Variants in TYW1B observed in about 807,000 individuals in gnomAD.
TYW1B encodes the protein S-adenosyl-L-methionine-dependent tRNA 4-demethylwyosine synthase TYW1B.
TYW1B carries 73 observed loss-of-function variants against 86.9 expected under a neutral mutation model. That is an observed-to-expected ratio of 0.84 (90% CI 0.70 to 1.02). The LOEUF is 1.02. TYW1B is among the 50% of genes least tolerant of loss of function. TYW1B has a pLI of 0.00. For missense variants in TYW1B, 637 were observed against 827.4 expected (o/e 0.77, Z 2.82); for synonymous variants, 248 against 292.8 (o/e 0.85, Z 1.56).
chr7:72,606,267 A>G (rs1811795011), intron 13 of TYW1B, among the ~76,000 whole-genome samples: 1 of 152,176 alleles, frequency 6.6e-6, no homozygotes, highest in Non-Finnish European at 1.5e-5. Context: ...CTAGGAAGAC[A>G]GAAAACTTTT....
chr7:72,710,580 C>G (rs1421831835), intron 10 of TYW1B, among the ~76,000 whole-genome samples: 4 of 152,172 alleles, frequency 2.6e-5, no homozygotes. Context: ...AATCCCAGCA[C>G]TTTGGGAGGC....
intron 3 of TYW1B, among the ~76,000 whole-genome samples, chr7:72,815,148 G>T (rs2129572811): frequency 6.6e-6 from 1 of 151,028 alleles, no homozygotes; most frequent in South Asian, 2.1e-4. Flanking sequence ...CTCTAGTCCT[G>T]CCCCAGGAGA....
chr7:72,826,791 G>A, intron 2 of TYW1B, 64 bp downstream of exon 2: 1 of 1,548,720 alleles, frequency 6.5e-7, no homozygotes. Context: ...GTTCCTTTTA[G>A]TGTTTAAATC....
intron 8 of TYW1B, among the ~76,000 whole-genome samples, chr7:72,738,076 ATTTC>A (rs1459183325): frequency 6.4e-5 from 6 of 94,412 alleles, no homozygotes; most frequent in Admixed American, 1.3e-4. Context: ...GCCTGGCCAT[ATTTC>A]TTTCTTTCTT....
intron 10 of TYW1B, among the ~76,000 whole-genome samples, chr7:72,702,145 T>G (rs1454889336): frequency 1.3e-5 from 2 of 152,188 alleles, no homozygotes; most frequent in Non-Finnish European, 2.9e-5. Flanking sequence ...GGCAGCTTTG[T>G]GAAGCTAAAC....
At chr7:72,632,328 TATATACACG>T (rs1812523320) in intron 11 of TYW1B, among the ~76,000 whole-genome samples, 2 of 120,940 alleles carry the variant, frequency 1.7e-5, no homozygotes, top group Admixed American at 1.0e-4. Context: ...ATATTATATA[TATATACACG>T]TATATATATT....
intron 7 of TYW1B, among the ~76,000 whole-genome samples, chr7:72,757,682 GACAA>G (rs1787616207): frequency 6.6e-6 from 1 of 152,142 alleles, no homozygotes; most frequent in South Asian, 2.1e-4. Context: ...AGAAAGCCCT[GACAA>G]ACAGAGCTGG....
intron 4 of TYW1B, among the ~76,000 whole-genome samples, chr7:72,807,777 C>T (rs1554477114): frequency 2.0e-5 from 3 of 152,098 alleles, no homozygotes; most frequent in African/African-American, 4.8e-5. Context: ...TGGCAAGATT[C>T]GTAATTTCCT....
At chr7:72,596,918 T>TCAACAA (rs572501145) in intron 13 of TYW1B, among the ~76,000 whole-genome samples, 3 of 144,592 alleles carry the variant, frequency 2.1e-5, no homozygotes, top group African/African-American at 5.2e-5. Context: ...TGCCTAAAAC[T>TCAACAA]CAACAACAAC....
intron 6 of TYW1B, among the ~76,000 whole-genome samples, chr7:72,797,800 G>A (rs1428287585): frequency 2.0e-5 from 3 of 152,242 alleles, no homozygotes; most frequent in Non-Finnish European, 2.9e-5. Context: ...CGGCAGAAAA[G>A]TAGGTAGCCG....
chr7:72,664,816 G>A (rs1554445001), intron 11 of TYW1B, among the ~76,000 whole-genome samples: 1 of 152,044 alleles, frequency 6.6e-6, no homozygotes, highest in Non-Finnish European at 1.5e-5. Context: ...ATCTATGGGG[G>A]ATTGGTTCCA....
chr7:72,616,494 T>C (rs1812074611), intron 13 of TYW1B, among the ~76,000 whole-genome samples, 178 bp downstream of exon 13: 2 of 152,186 alleles, frequency 1.3e-5, no homozygotes, highest in South Asian at 4.1e-4. Context: ...CAATTTCACA[T>C]GGAAAAGAGT....
At chr7:72,606,917 A>G (rs1585843285) in intron 13 of TYW1B, among the ~76,000 whole-genome samples, 2 of 152,180 alleles carry the variant, frequency 1.3e-5, no homozygotes, top group South Asian at 2.1e-4. Flanking sequence ...GTCTCCTAAC[A>G]TAACACCTAA....
chr7:72,820,370 AT>A (rs1353160061), intron 2 of TYW1B, among the ~76,000 whole-genome samples: 1 of 152,096 alleles, frequency 6.6e-6, no homozygotes, highest in African/African-American at 2.4e-5. Flanking sequence ...AGGCAAACAA[AT>A]GCTAAGGGAA....
chr7:72,756,678 G>A (rs1238265910), intron 7 of TYW1B, among the ~76,000 whole-genome samples: 1 of 152,236 alleles, frequency 6.6e-6, no homozygotes, highest in African/African-American at 2.4e-5. Flanking sequence ...GTTACTGGTA[G>A]CCTGCGGTCG....
At chr7:72,582,505 A>T (rs1307040747) in intron 13 of TYW1B, among the ~76,000 whole-genome samples, 4 of 152,232 alleles carry the variant, frequency 2.6e-5, no homozygotes, top group Non-Finnish European at 5.9e-5. Flanking sequence ...ACGTTTGGAC[A>T]TTAAAGGTCT....
At chr7:72,694,644 C>A in intron 11 of TYW1B, 43 bp downstream of exon 11, 2 of 1,574,026 alleles carry the variant, frequency 1.3e-6, no homozygotes, top group Non-Finnish European at 1.7e-6. Flanking sequence ...TCAGTACACA[C>A]CTGAGGGTTG....
chr7:72,751,693 G>C (rs79542127), intron 7 of TYW1B, among the ~76,000 whole-genome samples: 1,908 of 152,270 alleles, frequency 0.013, 33 homozygotes, highest in African/African-American at 0.044. Context: ...CCTTGGTATG[G>C]CAAGAGATGT....
At chr7:72,632,354 ATT>A (rs1491172581) in intron 11 of TYW1B, among the ~76,000 whole-genome samples, 8 of 123,038 alleles carry the variant, frequency 6.5e-5, no homozygotes, top group African/African-American at 2.3e-4. Context: ...TATTATATAT[ATT>A]ATATATATAC....
Sources: allele counts gnomAD v4.1 joint callset (sites outside exome capture counted in the v4.1 genomes callset), GRCh38; gene constraint gnomAD v4.1.1; transcripts MANE v1.5; gene names NCBI Gene and HGNC (gene_info 2026-07-23, HGNC 2026-07-21).